PHLDB2: variants seen among roughly 807,000 people sequenced by gnomAD.
PHLDB2 encodes pleckstrin homology-like domain family B member 2.
Under a neutral mutation model 123.6 loss-of-function variants are expected in PHLDB2, and 71 were observed. The ratio of observed to expected loss-of-function variants is 0.57; its 90% CI spans 0.47 to 0.70. The LOEUF (loss-of-function observed/expected upper bound fraction) is 0.70, where lower values mean the gene tolerates loss of function less well. PHLDB2 is among the 30% of genes least tolerant of loss of function. The pLI is 0.00. For synonymous variants in PHLDB2, 547 were observed against 541.6 expected (o/e 1.01, Z -0.14); for missense variants, 1,446 against 1,519.5 (o/e 0.95, Z 0.80).
intron 5 of PHLDB2, 129 bp downstream of exon 5, chr3:111,920,548 T>C (rs2068436241): frequency 1.7e-6 from 2 of 1,152,544 alleles, no homozygotes; most frequent in African/African-American, 1.6e-5. Flanking sequence ...GCAGTGGCAC[T>C]AGAGAAAAAT....
intron 1 of PHLDB2, among the ~76,000 whole-genome samples, chr3:111,863,339 A>G (rs1365303843): frequency 6.6e-6 from 1 of 152,210 alleles, no homozygotes; most frequent in Non-Finnish European, 1.5e-5. Flanking sequence ...GAGTACATGA[A>G]TGGATAGGGC....
chr3:111,940,636 G>A lies in PHLDB2; in HGVS notation c.2388G>A (p.Met796Ile). ...AAGAAAAGAATAATTTAATAATGATGTTGCAAAGAGTAAGTATTTCCTTTT... is the reference window on the plus strand; with the variant it reads ...AAGAAAAGAATAATTTAATAATGATATTGCAAAGAGTAAGTATTTCCTTTT... ...FVKEKNNLIM[M>I]LQREKENLCN... The change falls in exon 8 of 18, where the codon ATG (methionine) becomes ATA (isoleucine). Residue 796 changes from methionine (M) to isoleucine (I), a missense_variant. By Grantham distance (10) the Met-to-Ile change is conservative. Around this residue, in one of 3 missense-constraint regions of PHLDB2, gnomAD observed 594 missense variants for 646.0 expected, o/e 0.92. Transcript: ENST00000431670. The A allele has an allele frequency of 6.3e-7, 1 of 1,575,652 alleles. No individual in the cohort carries two copies.
rs2063978043 is a variant in PHLDB2, at chr3:111,846,210, T to C, written c.67+275T>C. 9.1e-6 allele frequency: 3 copies of C among 329,914 alleles called. No homozygotes were observed. In the South Asian group the frequency reaches 1.2e-4, roughly 14 times the overall value. 20.4% of individuals were successfully genotyped at this position (329,914 alleles called of 1,614,324 possible). A position where few individuals can be genotyped will look rare whatever the true frequency, so the allele number is the denominator to read the frequency against. ...CCCAAGCAGCTGGTGTGGAGGTCTT[T>C]CCCAGTGACTCATCAGTCATTCAGA... On this transcript the variant is annotated intron_variant, in intron 2 of 17. Coordinates refer to the PHLDB2 transcript ENST00000393923.
intron 1 of PHLDB2, among the ~76,000 whole-genome samples, chr3:111,813,830 T>C (rs537659689): frequency 1.1e-4 from 17 of 152,336 alleles, no homozygotes; most frequent in African/African-American, 4.1e-4. Context: ...CACATAGTTT[T>C]ATCAAAAAAC....
rs2062349724 is a variant in PHLDB2 at position 111,821,024 on chromosome 3, C to T, written c.-48-24797C>T. Among the ~76,000 whole-genome samples, 2 of 152,142 alleles carry T rather than the reference C, an allele frequency of 1.3e-5. 1 individual carries two copies. Among genetic ancestry groups the T allele is most frequent in the Admixed American group, 1.3e-4 (2 of 15,274 alleles). ...CAGAACCGAGGTTTAGTTCCAAGAG[C>T]CCCTGAAGTTCTCCTCTCCTGGAGA... On this transcript the variant is annotated intron_variant, in intron 1 of 17. Coordinates refer to the PHLDB2 transcript ENST00000393923.
rs371987563 is a variant in PHLDB2, at chr3:111,945,333, C to T, written c.2463C>T (p.Pro821=). The part of the protein sequence containing the change: ...YSSLSGGKGF[P]VNPNTLKEGY... ...GCCTCTCTGGGGGGAAAGGGTTTCC[C>T]GTTAACCCCAATACTTTAAAAGAGG... Residue 821 remains proline, a synonymous_variant, in exon 9 of 18, where the codon CCC becomes CCT. Transcript: ENST00000431670. 82 of 1,607,074 alleles carry T rather than the reference C, an allele frequency of 5.1e-5. No individual in the cohort carries two copies. Among genetic ancestry groups the T allele is most frequent in the South Asian group, 7.7e-5 (7 of 90,632 alleles).
intron 1 of PHLDB2, among the ~76,000 whole-genome samples, chr3:111,868,598 TTTTAA>T (rs1451764144): frequency 1.3e-5 from 2 of 151,880 alleles, no homozygotes; most frequent in Non-Finnish European, 2.9e-5. Context: ...GACAGCACAC[TTTTAA>T]TTTGTGTTGA....
At chr3:111,760,463 T>C (rs1307263599) in intron 1 of PHLDB2, among the ~76,000 whole-genome samples, 1 of 152,216 alleles carries the variant, frequency 6.6e-6, no homozygotes, top group Non-Finnish European at 1.5e-5. Context: ...TAAAATTTTC[T>C]ACTATTTTTC....
At chr3:111,889,147 A>T (rs2066336431) in intron 2 of PHLDB2, among the ~76,000 whole-genome samples, 1 of 152,202 alleles carries the variant, frequency 6.6e-6, no homozygotes, top group East Asian at 1.9e-4. Context: ...CTAATATAAG[A>T]CAGTTTAAAA....
At position 111,974,476 on chromosome 3, in the gene PHLDB2, T is replaced by C. The variant is rs1282622094; in HGVS notation, c.3675T>C (p.Tyr1225=). 3 of 1,613,764 alleles carry C rather than the reference T, an allele frequency of 1.9e-6. No homozygotes were observed. The highest frequency in any genetic ancestry group is 3.3e-5 in the Admixed American group (2 of 60,012). ...FSVKTHDRIY[Y]MVAPSPEAMR... is the part of the protein sequence containing the mutation. Reference sequence around the variant, plus strand: ...TCAAGACTCATGACAGAATCTATTATATGGTAGCCCCATCGCCAGAAGCCA... The same window carrying C: ...TCAAGACTCATGACAGAATCTATTACATGGTAGCCCCATCGCCAGAAGCCA... Residue 1225 remains tyrosine (Y), a synonymous_variant, in exon 18 of 18, where the codon TAT becomes TAC. Transcript: ENST00000431670.
intron 13 of PHLDB2, among the ~76,000 whole-genome samples, chr3:111,965,825 CTGTTTTG>C (rs1401634501): frequency 6.6e-6 from 1 of 152,214 alleles, no homozygotes; most frequent in African/African-American, 2.4e-5. Flanking sequence ...ATAAAATTTC[CTGTTTTG>C]TGTTAAACAT....
chr3:111,816,345 C>T (rs1180296058), intron 1 of PHLDB2, among the ~76,000 whole-genome samples: 2 of 152,268 alleles, frequency 1.3e-5, no homozygotes, highest in South Asian at 2.1e-4. Context: ...AATGACAGCC[C>T]GTAAAGGGAG....
chr3:111,781,300 C>T (rs1343211982), intron 1 of PHLDB2, among the ~76,000 whole-genome samples: 2 of 152,032 alleles, frequency 1.3e-5, no homozygotes, highest in Non-Finnish European at 2.9e-5. Flanking sequence ...TCTGGAGCTG[C>T]TCCCAAGCCT....
intron 1 of PHLDB2, chr3:111,845,804 TTTC>T (rs2063959280): frequency 6.2e-7 from 1 of 1,612,190 alleles, no homozygotes; most frequent in Non-Finnish European, 8.5e-7. Flanking sequence ...GTACCTCTCT[TTTC>T]TTGCTGTGTG....
At chr3:111,926,636 A>G (rs967206233) in intron 5 of PHLDB2, among the ~76,000 whole-genome samples, 2 of 151,876 alleles carry the variant, frequency 1.3e-5, no homozygotes, top group East Asian at 1.9e-4. Flanking sequence ...TGTAATTAAA[A>G]TGTCAAAGCC....
chr3:111,905,636 G>A (rs926926870), intron 2 of PHLDB2, among the ~76,000 whole-genome samples: 3 of 152,158 alleles, frequency 2.0e-5, no homozygotes, highest in Admixed American at 2.0e-4. Context: ...GATTATAGGC[G>A]TGAGCCACCA....
intron 9 of PHLDB2, 132 bp from the exon 10 acceptor site, chr3:111,948,800 A>G (rs2070496325): frequency 1.3e-6 from 1 of 748,380 alleles, no homozygotes; most frequent in Non-Finnish European, 2.1e-6. Flanking sequence ...TCCTTTAATG[A>G]AACATTTGAT....
At chr3:111,826,895 A>G (rs1199772245) in intron 1 of PHLDB2, among the ~76,000 whole-genome samples, 1 of 152,134 alleles carries the variant, frequency 6.6e-6, no homozygotes, top group East Asian at 1.9e-4. Context: ...GGGAGAAATT[A>G]CTGCCTCTGC....
rs1490350064 is a variant in PHLDB2, at chr3:111,975,511, A to AT, written c.*949dup. The AT allele has an allele frequency of 6.6e-6, 1 of 152,226 alleles. No individual in the cohort carries two copies. The highest frequency in any genetic ancestry group is 2.4e-5 in the African/African-American group (1 of 41,456). The allele number at this position is 152,226 out of a possible 1,614,324, so 9.4% of individuals were successfully genotyped here. A position where few individuals can be genotyped will look rare whatever the true frequency, so the allele number is the denominator to read the frequency against. On this transcript the variant is annotated 3_prime_UTR_variant, in exon 18 of 18. Coordinates refer to ENST00000431670, the MANE Select transcript of PHLDB2 (RefSeq NM_001134438.2). ...CACACCTGCTAACTGCTCCCTCAAC[A>AT]TAACTATGAAATCATAGCTCTGTTT...
Sources: allele counts gnomAD v4.1 joint callset (sites outside exome capture counted in the v4.1 genomes callset), GRCh38; gene constraint gnomAD v4.1.1; regional missense constraint gnomAD v4.1.1; transcripts MANE v1.5; gene names NCBI Gene and HGNC (gene_info 2026-07-23, HGNC 2026-07-21).